Variants in MAGI2 observed in about 807,000 individuals in gnomAD.
MAGI2 encodes membrane associated guanylate kinase, WW and PDZ domain containing 2.
A neutral mutation model predicts 133.3 loss-of-function variants in MAGI2; 35 were observed. That is an observed-to-expected ratio of 0.26 (90% CI 0.20 to 0.35). The LOEUF is 0.35. Among genes scored for constraint, MAGI2 ranks in the 10% least tolerant of loss-of-function variants. The pLI, the probability that MAGI2 is intolerant of heterozygous loss-of-function variation, is 1.00. For synonymous variants in MAGI2, 729 were observed against 710.6 expected (o/e 1.03, Z -0.41); for missense variants, 1,636 against 1,863.4 (o/e 0.88, Z 2.25).
At chr7:78,810,969 C>T (rs922015482) in intron 2 of MAGI2, among the ~76,000 whole-genome samples, 5 of 152,078 alleles carry the variant, frequency 3.3e-5, no homozygotes, top group African/African-American at 1.2e-4. Flanking sequence ...AACTTTTAAA[C>T]AAACTTTTTA....
At chr7:78,948,776 T>G (rs889131931) in intron 2 of MAGI2, among the ~76,000 whole-genome samples, 2 of 151,934 alleles carry the variant, frequency 1.3e-5, no homozygotes, top group Non-Finnish European at 2.9e-5. Flanking sequence ...TGAAGGAGAG[T>G]TTTGAAATTT....
intron 3 of MAGI2, among the ~76,000 whole-genome samples, chr7:78,619,510 T>G (rs1807485334): frequency 6.6e-6 from 1 of 151,928 alleles, no homozygotes; most frequent in Non-Finnish European, 1.5e-5. Flanking sequence ...AGTTAATAAT[T>G]TTATATGATT....
In MAGI2 at chr7:78,127,421, A is replaced by T. The variant is rs1411804517; in HGVS notation, c.3204-5T>A. On this transcript the variant is annotated splice_region_variant and splice_polypyrimidine_tract_variant and intron_variant, in intron 18 of 21. Coordinates refer to ENST00000354212, the MANE Select transcript of MAGI2 (RefSeq NM_012301.4). ...GCTTTCACTTCCGACCTGTAACTAAATCAATGGAAATGGGATTTGCTTTTG... is the reference window on the plus strand; with the variant it reads ...GCTTTCACTTCCGACCTGTAACTAATTCAATGGAAATGGGATTTGCTTTTG... The T allele has an allele frequency of 6.3e-7, 1 of 1,592,504 alleles. No individual in the cohort carries two copies. Among genetic ancestry groups the T allele is most frequent in the Non-Finnish European group, 8.5e-7 (1 of 1,172,386 alleles).
chr7:79,369,209 T>C (rs896663487), intron 1 of MAGI2, among the ~76,000 whole-genome samples: 1 of 152,174 alleles, frequency 6.6e-6, no homozygotes, highest in South Asian at 2.1e-4. Flanking sequence ...CGACTTCTTA[T>C]GAGGTCCCAG....
chr7:78,762,299 C>G (rs1395873625), intron 2 of MAGI2, among the ~76,000 whole-genome samples: 1 of 151,776 alleles, frequency 6.6e-6, no homozygotes. Flanking sequence ...CAAAATTAGC[C>G]GGGCGTGGTG....
chr7:78,728,354 T>G lies in MAGI2; in HGVS notation c.419-101115A>C, dbSNP rs193139354. Among the ~76,000 whole-genome samples the G allele has an allele frequency of 2.4e-4, 37 of 152,238 alleles. No homozygotes were observed. In the East Asian group the frequency reaches 6.8e-3, roughly 28 times the overall value. ...AAAAAGCTTTTTAAAAAATGATCTA[T>G]CATATGCTATACCCGCATGAATTAG... On this transcript the variant is annotated intron_variant, in intron 2 of 21. Coordinates refer to ENST00000354212, the MANE Select transcript of MAGI2 (RefSeq NM_012301.4).
intron 6 of MAGI2, among the ~76,000 whole-genome samples, chr7:78,408,383 C>T (rs995632003): frequency 3.9e-5 from 6 of 151,992 alleles, no homozygotes; most frequent in African/African-American, 1.2e-4. Flanking sequence ...GCTATCTACT[C>T]ATTGGTTTCT....
chr7:79,330,664 AT>A (rs142787915), intron 1 of MAGI2, among the ~76,000 whole-genome samples: 3 of 151,642 alleles, frequency 2.0e-5, no homozygotes, highest in African/African-American at 4.8e-5. Context: ...TTTAGCACTC[AT>A]TTTTTTTAGG....
chr7:78,087,356 A>G (rs1049501728), intron 20 of MAGI2, among the ~76,000 whole-genome samples: 1 of 152,222 alleles, frequency 6.6e-6, no homozygotes, highest in African/African-American at 2.4e-5. Context: ...TGGTTTCATA[A>G]TATATGTCAA....
chr7:78,092,075 G>A (rs1817265911), intron 20 of MAGI2, among the ~76,000 whole-genome samples: 1 of 152,172 alleles, frequency 6.6e-6, no homozygotes, highest in South Asian at 2.1e-4. Context: ...AACTACATGT[G>A]TTAAAGTTTC....
At chr7:79,169,605 T>G (rs1317865630) in intron 1 of MAGI2, among the ~76,000 whole-genome samples, 1 of 152,112 alleles carries the variant, frequency 6.6e-6, no homozygotes, top group Non-Finnish European at 1.5e-5. Flanking sequence ...GTGAATGCCT[T>G]GCTGAGGTAT....
chr7:79,181,533 C>G (rs920549883), intron 1 of MAGI2, among the ~76,000 whole-genome samples: 1 of 151,906 alleles, frequency 6.6e-6, no homozygotes, highest in Non-Finnish European at 1.5e-5. Flanking sequence ...GCCCACAAAA[C>G]TATTTTTTCC....
chr7:78,866,875 G>T (rs1419966060), intron 2 of MAGI2, among the ~76,000 whole-genome samples: 1 of 152,076 alleles, frequency 6.6e-6, no homozygotes, highest in Non-Finnish European at 1.5e-5. Context: ...CAAAAAGTGG[G>T]TGAAGGACAT....
chr7:78,987,303 C>A (rs2116271721), intron 2 of MAGI2, among the ~76,000 whole-genome samples: 1 of 152,140 alleles, frequency 6.6e-6, no homozygotes, highest in Non-Finnish European at 1.5e-5. Context: ...TTGCAAAAAT[C>A]TTTCAGGAAA....
chr7:78,585,438 C>CCTGAGA (rs1419278913), intron 3 of MAGI2, among the ~76,000 whole-genome samples: 1 of 152,106 alleles, frequency 6.6e-6, no homozygotes, highest in Non-Finnish European at 1.5e-5. Context: ...GCAGTCTCTA[C>CCTGAGA]CTGAGACTGA....
chr7:79,071,296 T>G (rs1814936603), intron 1 of MAGI2, among the ~76,000 whole-genome samples: 1 of 152,186 alleles, frequency 6.6e-6, no homozygotes, highest in African/African-American at 2.4e-5. Context: ...CAGCAAAGAT[T>G]GCTGGATGTT....
At chr7:78,706,864 GA>G (rs887276890) in intron 2 of MAGI2, among the ~76,000 whole-genome samples, 1 of 151,674 alleles carries the variant, frequency 6.6e-6, no homozygotes, top group African/African-American at 2.4e-5. Context: ...AGCAGTAAGG[GA>G]AAAAAAAGAA....
chr7:78,075,376 CT>C (rs34396344), intron 21 of MAGI2, among the ~76,000 whole-genome samples: 201 of 126,468 alleles, frequency 1.6e-3, no homozygotes, highest in Middle Eastern at 4.0e-3. Flanking sequence ...TGTAATAAAT[CT>C]TTTTTTTTTT....
chr7:79,142,187 G>T (rs1280497902), intron 1 of MAGI2, among the ~76,000 whole-genome samples: 1 of 151,948 alleles, frequency 6.6e-6, no homozygotes, highest in Non-Finnish European at 1.5e-5. Flanking sequence ...AATTTCATGT[G>T]GTAAATTCAC....
Sources: gnomAD v4.1 joint callset for allele counts (sites outside exome capture counted in the v4.1 genomes callset) on GRCh38, gnomAD v4.1.1 for gene constraint, MANE v1.5 for transcripts, NCBI Gene and HGNC (gene_info 2026-07-23, HGNC 2026-07-21) for gene names.